Variants in CSGALNACT1 observed in about 807,000 individuals in gnomAD.
The protein encoded by CSGALNACT1 is chondroitin sulfate N-acetylgalactosaminyltransferase 1.
In CSGALNACT1, 52 loss-of-function variants were observed where a neutral mutation model predicts 51.0. The ratio of observed to expected loss-of-function variants is 1.02; its 90% confidence interval spans 0.82 to 1.29. The LOEUF (loss-of-function observed/expected upper bound fraction) is 1.29. Ranked by LOEUF, CSGALNACT1 falls within the 50% of genes most tolerant of loss-of-function variation. The pLI is 0.00. For synonymous variants in CSGALNACT1, 341 were observed against 254.4 expected (o/e 1.34, Z -3.24); for missense variants, 935 against 679.2 (o/e 1.38, Z -4.19).
At chr8:19,715,251 C>A (rs1393921898) in intron 1 of CSGALNACT1, among the ~76,000 whole-genome samples, 1 of 152,194 alleles carries the variant, frequency 6.6e-6, no homozygotes, top group Non-Finnish European at 1.5e-5. Flanking sequence ...TTATTTCCCA[C>A]TAGGTCCCTC....
intron 1 of CSGALNACT1, among the ~76,000 whole-genome samples, chr8:19,615,160 C>G (rs908323544): frequency 2.6e-5 from 4 of 152,196 alleles, no homozygotes; most frequent in African/African-American, 9.6e-5. Flanking sequence ...AAAAATTAAC[C>G]AGGCATGCTG....
chr8:19,458,511 G>A, exon 5 of CSGALNACT1: 1 of 1,614,146 alleles, frequency 6.2e-7, no homozygotes, highest in South Asian at 1.1e-5. Context: ...GCCATGTTGA[G>A]CTTTTCATTT....
intron 6 of CSGALNACT1, among the ~76,000 whole-genome samples, chr8:19,435,347 G>A (rs1045613592): frequency 3.9e-5 from 6 of 152,074 alleles, no homozygotes; most frequent in African/African-American, 1.2e-4. Flanking sequence ...ACAAGAATTC[G>A]CTGGGTGTGG....
intron 8 of CSGALNACT1, among the ~76,000 whole-genome samples, chr8:19,416,422 T>G (rs1293300354): frequency 1.3e-5 from 2 of 152,074 alleles, no homozygotes; most frequent in African/African-American, 4.8e-5. Context: ...CAAGGAAAAC[T>G]TTTAAAAAAT....
At chr8:19,726,282 C>G (rs1241984371) in intron 1 of CSGALNACT1, among the ~76,000 whole-genome samples, 2 of 151,850 alleles carry the variant, frequency 1.3e-5, no homozygotes, top group Non-Finnish European at 2.9e-5. Flanking sequence ...CCCTATGGTT[C>G]TAAAATGATA....
chr8:19,506,246 T>C, intron 3 of CSGALNACT1, 116 bp from the exon 3 acceptor site: 2 of 381,776 alleles, frequency 5.2e-6, no homozygotes, highest in Admixed American at 3.4e-5. Context: ...ATGCCTATGA[T>C]AGATGATTAA....
intron 4 of CSGALNACT1, among the ~76,000 whole-genome samples, chr8:19,496,939 C>G (rs904457848): frequency 1.3e-5 from 2 of 152,152 alleles, no homozygotes; most frequent in African/African-American, 4.8e-5. Context: ...CGGGAGGGGA[C>G]AGGAGCTCCC....
chr8:19,420,921 G>A (rs1194548668), intron 6 of CSGALNACT1, among the ~76,000 whole-genome samples: 2 of 152,156 alleles, frequency 1.3e-5, no homozygotes, highest in South Asian at 2.1e-4. Context: ...CATTGCAATG[G>A]CCCCACTTAG....
At chr8:19,702,671 T>C (rs2061944888) in intron 1 of CSGALNACT1, among the ~76,000 whole-genome samples, 1 of 152,150 alleles carries the variant, frequency 6.6e-6, no homozygotes, top group African/African-American at 2.4e-5. Flanking sequence ...ATCTCAGTCC[T>C]TGTCACAGAC....
intron 3 of CSGALNACT1, among the ~76,000 whole-genome samples, chr8:19,541,103 G>T (rs1175900774): frequency 2.6e-5 from 4 of 151,290 alleles, no homozygotes; most frequent in South Asian, 2.1e-4. Flanking sequence ...TTTTTTTAAT[G>T]GAGTCTTGCT....
intron 6 of CSGALNACT1, among the ~76,000 whole-genome samples, chr8:19,434,573 G>A (rs1242109306): frequency 5.9e-5 from 9 of 152,104 alleles, no homozygotes. Flanking sequence ...AATTTATATA[G>A]CATATTCAAA....
chr8:19,552,778 T>C (rs2088519093), intron 3 of CSGALNACT1, among the ~76,000 whole-genome samples: 1 of 152,150 alleles, frequency 6.6e-6, no homozygotes, highest in African/African-American at 2.4e-5. Flanking sequence ...GAAAAGAAAG[T>C]CTAACTGTAG....
chr8:19,733,368 T>C (rs1399718609), intron 1 of CSGALNACT1, among the ~76,000 whole-genome samples: 1 of 152,216 alleles, frequency 6.6e-6, no homozygotes, highest in African/African-American at 2.4e-5. Context: ...TAATGTGGAA[T>C]TCTATTTAAG....
intron 1 of CSGALNACT1, among the ~76,000 whole-genome samples, chr8:19,689,375 C>A (rs1321388445): frequency 6.6e-6 from 1 of 152,182 alleles, no homozygotes; most frequent in Non-Finnish European, 1.5e-5. Context: ...GCCTTTTGAG[C>A]AGCCATCTTG....
intron 5 of CSGALNACT1, among the ~76,000 whole-genome samples, chr8:19,452,413 T>TG (rs1192373413): frequency 2.0e-3 from 158 of 80,440 alleles, no homozygotes; most frequent in Admixed American, 6.5e-3. Flanking sequence ...AACTAACCCC[T>TG]GGGGGAAAAA....
intron 3 of CSGALNACT1, among the ~76,000 whole-genome samples, chr8:19,571,456 CAAAACA>C (rs1204974408): frequency 7.6e-6 from 1 of 131,184 alleles, no homozygotes; most frequent in Non-Finnish European, 1.6e-5. Flanking sequence ...AGCCCCCCAC[CAAAACA>C]AAAACAAAAA....
At chr8:19,587,006 CA>C (rs1420797928) in intron 3 of CSGALNACT1, among the ~76,000 whole-genome samples, 2 of 152,192 alleles carry the variant, frequency 1.3e-5, no homozygotes, top group Non-Finnish European at 2.9e-5. Context: ...ATAATGATTT[CA>C]AGAGGTTTCC....
At chr8:19,746,694 A>C (rs1427485251) in intron 1 of CSGALNACT1, among the ~76,000 whole-genome samples, 2 of 152,218 alleles carry the variant, frequency 1.3e-5, no homozygotes, top group Non-Finnish European at 2.9e-5. Context: ...TCCAACTCCA[A>C]CATGTTATTG....
At chr8:19,650,412 A>G (rs2057690590) in intron 1 of CSGALNACT1, among the ~76,000 whole-genome samples, 1 of 152,210 alleles carries the variant, frequency 6.6e-6, no homozygotes, top group African/African-American at 2.4e-5. Flanking sequence ...AAGATCCAGG[A>G]GGGGTTCTAG....
Sources: allele counts gnomAD v4.1 joint callset (sites outside exome capture counted in the v4.1 genomes callset), GRCh38; gene constraint gnomAD v4.1.1; transcripts MANE v1.5; gene names NCBI Gene and HGNC (gene_info 2026-07-23, HGNC 2026-07-21).